ZDHHC15: variants seen among roughly 807,000 people sequenced by gnomAD.
ZDHHC15 encodes palmitoyltransferase ZDHHC15.
In ZDHHC15, 19 loss-of-function variants were observed where a neutral mutation model predicts 31.7. The observed-to-expected ratio is 0.60, with a 90% CI of 0.42 to 0.88. The LOEUF is 0.88. ZDHHC15 is among the 40% of genes least tolerant of loss of function. The pLI is 0.00. For missense variants in ZDHHC15, 209 were observed against 251.2 expected, an observed-to-expected ratio of 0.83 and a Z score of 1.14; for synonymous variants, 103 against 90.0, an observed-to-expected ratio of 1.14 and a Z score of -0.82.
At chrX:75,498,420 T>C (rs1459650347) in intron 2 of ZDHHC15, among the ~76,000 whole-genome samples, 1 of 111,782 alleles carries the variant, frequency 8.9e-6, no homozygotes, top group African/African-American at 3.3e-5. Flanking sequence ...AAGCTCCAGA[T>C]CTGGTCAATG....
intron 10 of ZDHHC15, among the ~76,000 whole-genome samples, chrX:75,404,404 G>T (rs765319128): frequency 1.8e-5 from 2 of 111,835 alleles, no homozygotes; most frequent in Non-Finnish European, 3.8e-5. Flanking sequence ...AAGAGCTTCT[G>T]CCCAGCAAAG....
intron 3 of ZDHHC15, among the ~76,000 whole-genome samples, chrX:75,472,213 G>T (rs1441790074): frequency 9.0e-6 from 1 of 111,658 alleles, no homozygotes; most frequent in African/African-American, 3.3e-5. Flanking sequence ...CTCATGGGGG[G>T]TTCACTATGA....
chrX:75,376,031 T>A (rs1252088190), intron 11 of ZDHHC15, among the ~76,000 whole-genome samples: 1 of 111,759 alleles, frequency 8.9e-6, no homozygotes, highest in African/African-American at 3.3e-5. Flanking sequence ...CAACAGTGTA[T>A]AAGCATACCC....
intron 3 of ZDHHC15, among the ~76,000 whole-genome samples, chrX:75,477,850 A>C (rs1364767582): frequency 1.8e-5 from 2 of 111,891 alleles, no homozygotes; most frequent in African/African-American, 6.5e-5. Flanking sequence ...TAATCCATTT[A>C]TGTTTCAAGT....
At chrX:75,484,314 A>G (rs1201029049) in intron 2 of ZDHHC15, among the ~76,000 whole-genome samples, 1 of 112,124 alleles carries the variant, frequency 8.9e-6, no homozygotes, top group Non-Finnish European at 1.9e-5. Flanking sequence ...AGATTTGTTT[A>G]AAAACAAAGA....
chrX:75,486,746 C>A (rs1225171671), intron 2 of ZDHHC15, among the ~76,000 whole-genome samples: 1 of 65,659 alleles, frequency 1.5e-5, no homozygotes, highest in Non-Finnish European at 2.8e-5. Context: ...TTGTTTGATG[C>A]AGCAGACACA....
intron 1 of ZDHHC15, among the ~76,000 whole-genome samples, chrX:75,516,574 C>G (rs1422063244): frequency 5.4e-5 from 6 of 112,108 alleles, no homozygotes; most frequent in African/African-American, 1.9e-4. Context: ...ACACCTTATA[C>G]AAAAATTAAT....
intron 10 of ZDHHC15, among the ~76,000 whole-genome samples, chrX:75,396,415 A>G (rs985201394): frequency 9.8e-5 from 11 of 112,151 alleles, no homozygotes; most frequent in Non-Finnish European, 1.3e-4. Flanking sequence ...CATTGATCAG[A>G]GAAATGAAAA....
At chrX:75,505,749 T>A in intron 2 of ZDHHC15, 72 bp downstream of exon 2, 1 of 1,160,434 alleles carries the variant, frequency 8.6e-7, no homozygotes, top group Admixed American at 2.3e-5. Flanking sequence ...GTCTATAGGC[T>A]TTTATGTTAT....
chrX:75,514,812 A>T (rs2085330670), intron 1 of ZDHHC15, among the ~76,000 whole-genome samples: 1 of 111,753 alleles, frequency 8.9e-6, no homozygotes, highest in South Asian at 3.8e-4. Context: ...CCGAGATAGA[A>T]TTGTGAGGCA....
At chrX:75,392,716 G>A (rs1324512059) in intron 10 of ZDHHC15, among the ~76,000 whole-genome samples, 1 of 112,117 alleles carries the variant, frequency 8.9e-6, no homozygotes, top group Admixed American at 9.4e-5. Flanking sequence ...TATGTCACAT[G>A]ATAAAGGAGA....
intron 1 of ZDHHC15, among the ~76,000 whole-genome samples, chrX:75,515,384 C>G (rs998858431): frequency 1.8e-5 from 2 of 111,355 alleles, no homozygotes; most frequent in African/African-American, 6.5e-5. Flanking sequence ...GCTTATCCAC[C>G]AAGATCCAGT....
intron 2 of ZDHHC15, among the ~76,000 whole-genome samples, chrX:75,479,350 C>T (rs1348500723): frequency 8.9e-6 from 1 of 111,964 alleles, no homozygotes; most frequent in African/African-American, 3.2e-5. Context: ...TTACAACATG[C>T]TTTCACATAT....
intron 2 of ZDHHC15, among the ~76,000 whole-genome samples, chrX:75,500,281 A>ATAC (rs1230426767): frequency 1.8e-5 from 2 of 109,785 alleles, no homozygotes; most frequent in African/African-American, 6.6e-5. Flanking sequence ...AATAATAATA[A>ATAC]TAATAATAAA....
At chrX:75,409,292 G>T (rs1414351966) in intron 10 of ZDHHC15, among the ~76,000 whole-genome samples, 1 of 109,449 alleles carries the variant, frequency 9.1e-6, no homozygotes, top group Admixed American at 9.7e-5. Flanking sequence ...GGGAGTTTGA[G>T]ACCAGCATGG....
Position 75,394,443 on chromosome X carries a change from AAAC to A in ZDHHC15, c.968-15248_968-15246del, listed in dbSNP as rs754312931. On this transcript the variant is annotated intron_variant, in intron 10 of 11. Transcript: ENST00000373367. ...AAGTGGCTGAATGGATGAAAAAAAA[AAAC>A]AAGACCCGATGATCTATTACCTACA... 4.5e-5 allele frequency among the ~76,000 whole-genome samples: 5 copies of A among 110,941 alleles called. No individual in the cohort carries two copies. The East Asian group carries it at 8.5e-4, about 19-fold the overall frequency.
chrX:75,450,656 T>G, intron 4 of ZDHHC15, 146 bp downstream of exon 4: 5 of 1,148,016 alleles, frequency 4.4e-6, no homozygotes, highest in Middle Eastern at 3.1e-4. Context: ...TTTAAAATTT[T>G]TTAGAAATAA....
intron 2 of ZDHHC15, among the ~76,000 whole-genome samples, chrX:75,492,029 G>C (rs924185342): frequency 9.0e-6 from 1 of 111,477 alleles, no homozygotes; most frequent in Non-Finnish European, 1.9e-5. Context: ...CCATCAGTGT[G>C]CTGTATTCAG....
chrX:75,483,822 T>TAC (rs2084732600), intron 2 of ZDHHC15, among the ~76,000 whole-genome samples: 1 of 110,483 alleles, frequency 9.1e-6, no homozygotes. Context: ...CACAGAAGAC[T>TAC]ACACACACAC....
Sources: gnomAD v4.1 joint callset for allele counts (sites outside exome capture counted in the v4.1 genomes callset) on GRCh38, gnomAD v4.1.1 for gene constraint, MANE v1.5 for transcripts, NCBI Gene and HGNC (gene_info 2026-07-23, HGNC 2026-07-21) for gene names.